The following SUCO variants were observed in gnomAD, a reference collection of about 807,000 sequenced individuals.
SUCO encodes SUN domain containing ossification factor, also known as SUN domain-containing ossification factor.
A neutral mutation model predicts 148.1 loss-of-function variants in SUCO; 57 were observed. The ratio of observed to expected loss-of-function variants is 0.38; its 90% CI spans 0.31 to 0.48. The LOEUF (loss-of-function observed/expected upper bound fraction) is 0.48. SUCO is among the 20% of genes least tolerant of loss of function. The pLI is 0.96. For synonymous variants in SUCO, 470 were observed against 502.7 expected (o/e 0.93, Z 0.87); for missense variants, 1,331 against 1,468.2 (o/e 0.91, Z 1.53).
At chr1:172,551,721 C>A in intron 2 of SUCO, 95 bp downstream of exon 2, 2 of 780,412 alleles carry the variant, frequency 2.6e-6, no homozygotes, top group African/African-American at 1.8e-5. Context: ...AAATGCCATG[C>A]CATAATTTTT....
At chr1:172,532,963 G>T, upstream of SUCO, 1 of 914,998 alleles carries the variant, frequency 1.1e-6, no homozygotes, top group South Asian at 5.0e-5. Flanking sequence ...GACGTCGAAG[G>T]GGGCGTGGCC....
chr1:172,588,180 C>T (rs190894923), intron 17 of SUCO: 99 of 984,874 alleles, frequency 1.0e-4, no homozygotes, highest in African/African-American at 1.9e-4. Context: ...TGTGTGTGTG[C>T]GTTGTGTGTT....
intron 22 of SUCO, among the ~76,000 whole-genome samples, chr1:172,604,834 G>C (rs1161521961): frequency 1.3e-5 from 2 of 151,814 alleles, no homozygotes; most frequent in African/African-American, 4.8e-5. Context: ...CTACATTATA[G>C]CATGTGACAG....
rs1047080976 is a variant in SUCO, at chr1:172,589,523, A to G, written c.2422A>G (p.Lys808Glu). Residue 808 changes from lysine (K) to glutamate (E), a missense_variant, in exon 18 of 24, where the codon AAA becomes GAA. Transcript: ENST00000263688. ...TAATGAGTTAATGGATAATATTATA[A>G]AAGAAGATGTGAACTCCATGCAAAT... ...KVNELMDNIIKEDVNSMQIFT... is the reference protein window; with the variant it reads ...KVNELMDNIIEEDVNSMQIFT... 11 of 1,613,242 alleles carry G rather than the reference A, an allele frequency of 6.8e-6. No homozygotes were observed. The highest frequency in any genetic ancestry group is 9.3e-6 in the Non-Finnish European group (11 of 1,179,732).
chr1:172,570,682 T>C lies in SUCO; in HGVS notation c.1001T>C (p.Ile334Thr), dbSNP rs763469414. 3.1e-6 allele frequency: 5 copies of C among 1,605,684 alleles called. No individual in the cohort carries two copies. The highest frequency in any genetic ancestry group is 1.7e-6 in the Non-Finnish European group (2 of 1,173,398). Residue 334 changes from isoleucine (I) to threonine (T), a missense_variant, in exon 9 of 24, where the codon ATA becomes ACA. By Grantham distance (89) the Ile-to-Thr change is moderately conservative. Around this residue, in one of 3 missense-constraint regions of SUCO, gnomAD observed 992 missense variants for 1,093.5 expected, o/e 0.91. Coordinates refer to ENST00000263688, the MANE Select transcript of SUCO (RefSeq NM_014283.5). ...AAATAGAGCACATCTGCTATTCTTA[T>C]AGAAAATATGGATCTTTACATGTTG... Reference protein sequence around the residue: ...PEAKSTSAILIENMDLYMLNP... With the variant: ...PEAKSTSAILTENMDLYMLNP...
chr1:172,610,404 G>T lies in SUCO; in HGVS notation c.*145G>T. Reference sequence around the variant, plus strand: ...ATGGTTTCTACCTTTTTAAAAAGTAGATGGGATTGTGTCAATCTTGGTTAA... The same window carrying T: ...ATGGTTTCTACCTTTTTAAAAAGTATATGGGATTGTGTCAATCTTGGTTAA... On this transcript the variant is annotated 3_prime_UTR_variant, in exon 24 of 24. Transcript: ENST00000263688. 7.7e-7 allele frequency: 1 copy of T among 1,292,518 alleles called. No homozygotes were observed. The highest frequency in any genetic ancestry group is 1.0e-6 in the Non-Finnish European group (1 of 978,756). The allele number at this position is 1,292,518 out of a possible 1,614,324, so 80.1% of individuals were successfully genotyped here.
At chr1:172,603,115 G>A in intron 22 of SUCO, 1 of 204,356 alleles carries the variant, frequency 4.9e-6, no homozygotes. Context: ...TGCTCCCATA[G>A]CATCCTGTGC....
At chr1:172,592,871 A>G (rs1235150019) in intron 19 of SUCO, among the ~76,000 whole-genome samples, 1 of 152,134 alleles carries the variant, frequency 6.6e-6, no homozygotes, top group African/African-American at 2.4e-5. Flanking sequence ...CTTGGGCAGT[A>G]TGGCCATTTT....
chr1:172,534,703 C>T (rs533395116), intron 1 of SUCO, among the ~76,000 whole-genome samples: 1 of 152,262 alleles, frequency 6.6e-6, no homozygotes, highest in African/African-American at 2.4e-5. Context: ...GTGTTGGGTA[C>T]GGAGAAGTGC....
intron 19 of SUCO, among the ~76,000 whole-genome samples, chr1:172,597,235 C>T (rs533851916): frequency 5.3e-5 from 8 of 152,238 alleles, no homozygotes; most frequent in Non-Finnish European, 1.0e-4. Context: ...TTGCACTTCC[C>T]GGGTGTGGCG....
intron 19 of SUCO, among the ~76,000 whole-genome samples, chr1:172,592,541 C>G (rs1656748205): frequency 6.6e-6 from 1 of 152,154 alleles, no homozygotes; most frequent in South Asian, 2.1e-4. Context: ...GGAATCCTTT[C>G]CCCATTTCTT....
intron 19 of SUCO, among the ~76,000 whole-genome samples, chr1:172,597,472 A>G (rs1657199788): frequency 6.6e-6 from 1 of 152,242 alleles, no homozygotes; most frequent in African/African-American, 2.4e-5. Flanking sequence ...TGTGTTAAAT[A>G]GAAACATAGA....
chr1:172,568,290 A>G, intron 6 of SUCO: 1 of 964,036 alleles, frequency 1.0e-6, no homozygotes, highest in Non-Finnish European at 1.2e-6. Context: ...AAATTTATTG[A>G]TTTTATTCTT....
chr1:172,607,846 C>A (rs1657961001), intron 22 of SUCO, among the ~76,000 whole-genome samples: 1 of 151,802 alleles, frequency 6.6e-6, no homozygotes, highest in Non-Finnish European at 1.5e-5. Flanking sequence ...ATGACTTTCT[C>A]AATAAATCTC....
At chr1:172,587,212 C>T (rs1181393468) in intron 17 of SUCO, among the ~76,000 whole-genome samples, 9 of 151,944 alleles carry the variant, frequency 5.9e-5, no homozygotes, top group Non-Finnish European at 1.3e-4. Context: ...ATTTCTTATT[C>T]AGTATTTCTT....
intron 23 of SUCO, 28 bp from the exon 24 acceptor site, chr1:172,609,788 A>T: frequency 6.4e-7 from 1 of 1,570,254 alleles, no homozygotes; most frequent in Non-Finnish European, 8.6e-7. Flanking sequence ...AAGTATCATT[A>T]CTAACTTTTC....
At chr1:172,578,029 C>T (rs1004483263) in intron 13 of SUCO, among the ~76,000 whole-genome samples, 11 of 151,540 alleles carry the variant, frequency 7.3e-5, no homozygotes, top group Middle Eastern at 3.4e-3. Flanking sequence ...TTTGTTTTAA[C>T]TTGCTTGCTA....
intron 6 of SUCO, among the ~76,000 whole-genome samples, chr1:172,565,054 ATTCTG>A (rs912098458): frequency 1.7e-4 from 26 of 151,978 alleles, no homozygotes; most frequent in African/African-American, 5.6e-4. Context: ...AGTCTATTCT[ATTCTG>A]TTCTGATCTG....
chr1:172,593,456 C>T (rs920645338), intron 19 of SUCO, among the ~76,000 whole-genome samples: 9 of 152,104 alleles, frequency 5.9e-5, no homozygotes, highest in Non-Finnish European at 1.0e-4. Flanking sequence ...CCCATCAATA[C>T]CTAGTTAATT....
Sources: gnomAD v4.1 joint callset for allele counts (sites outside exome capture counted in the v4.1 genomes callset) on GRCh38, gnomAD v4.1.1 for gene constraint, gnomAD v4.1.1 regional missense constraint, MANE v1.5 for transcripts, NCBI Gene and HGNC (gene_info 2026-07-23, HGNC 2026-07-21) for gene names.